Variants in CAMK1D observed in about 807,000 individuals in gnomAD.
The protein encoded by CAMK1D is calcium/calmodulin-dependent protein kinase type 1D.
In CAMK1D, 9 loss-of-function variants were observed where a neutral mutation model predicts 47.7. That is an observed-to-expected ratio of 0.19 (90% CI 0.11 to 0.33). The LOEUF (loss-of-function observed/expected upper bound fraction) is 0.33. Ranked by LOEUF, CAMK1D falls within the 10% of genes least tolerant of loss-of-function variation. The pLI, the probability that CAMK1D is intolerant of heterozygous loss-of-function variation, is 1.00. For synonymous variants in CAMK1D, 184 were observed against 184.9 expected, an observed-to-expected ratio of 0.99 and a Z score of 0.04; for missense variants, 291 against 488.7, an observed-to-expected ratio of 0.60 and a Z score of 3.81.
rs933681759 is a variant in CAMK1D at position 12,472,501 on chromosome 10, G to T, written c.93-80724G>T. On this transcript the variant is annotated intron_variant, in intron 1 of 10. Transcript: ENST00000619168. ...TCCCTAGTCACTGTCTCACTCTTCA[G>T]TTCGGCACTCAATTCATTCAGCTTA... Among the ~76,000 whole-genome samples the T allele has an allele frequency of 2.0e-5, 3 of 150,282 alleles. No individual in the cohort carries two copies. The Admixed American group carries it at 2.0e-4, about 10-fold the overall frequency.
chr10:12,478,512 G>C (rs1398068581), intron 1 of CAMK1D, among the ~76,000 whole-genome samples: 4 of 150,414 alleles, frequency 2.7e-5, no homozygotes, highest in Non-Finnish European at 5.9e-5. Flanking sequence ...TCTTTATGTT[G>C]CCCAGGCTGG....
chr10:12,458,346 T>C (rs1312272546), intron 1 of CAMK1D, among the ~76,000 whole-genome samples: 1 of 152,230 alleles, frequency 6.6e-6, no homozygotes, highest in Non-Finnish European at 1.5e-5. Context: ...GAGTCCATGC[T>C]GAGGCCAGAG....
At position 12,705,923 on chromosome 10, in the gene CAMK1D, C is replaced by T. The variant is rs193286955; in HGVS notation, c.299+39113C>T. On this transcript the variant is annotated intron_variant, in intron 3 of 10. Transcript: ENST00000619168. ...ATGCCAGGCAGTACTTGAACATCTT[C>T]ATGGGATGTATTATAATAACTTAGC... Among the ~76,000 whole-genome samples, 222 of 152,356 alleles carry T rather than the reference C, an allele frequency of 1.5e-3. 1 individual carries two copies. The Middle Eastern group carries it at 0.017, about 12-fold the overall frequency.
chr10:12,696,471 A>G (rs1395634058), intron 3 of CAMK1D, among the ~76,000 whole-genome samples: 1 of 152,186 alleles, frequency 6.6e-6, no homozygotes, highest in Non-Finnish European at 1.5e-5. Context: ...CAGCGGGCCG[A>G]GGTTGCAGTG....
intron 1 of CAMK1D, among the ~76,000 whole-genome samples, chr10:12,395,147 C>T (rs1169266331): frequency 7.0e-6 from 1 of 142,192 alleles, no homozygotes; most frequent in African/African-American, 2.6e-5. Flanking sequence ...TCATAGCTAA[C>T]TGCAGCCTCC....
chr10:12,796,930 C>T (rs955973252), intron 6 of CAMK1D, among the ~76,000 whole-genome samples: 3 of 152,222 alleles, frequency 2.0e-5, no homozygotes, highest in Non-Finnish European at 2.9e-5. Flanking sequence ...CTTACTAAAT[C>T]ATAATGCAGT....
chr10:12,613,647 T>A lies in CAMK1D; in HGVS notation c.225-53089T>A, dbSNP rs139622517. Among the ~76,000 whole-genome samples the A allele has an allele frequency of 5.7e-4, 87 of 152,216 alleles. 1 individual carries two copies. In the East Asian group the frequency reaches 0.016, roughly 28 times the overall value. ...GCGTCTGACACCATGCCTGGCTCAT[T>A]TTTTGTATTTTTAGTAGAGACGGGG... On this transcript the variant is annotated intron_variant, in intron 2 of 10. Transcript: ENST00000619168.
intron 1 of CAMK1D, among the ~76,000 whole-genome samples, chr10:12,368,235 C>T (rs1837905504): frequency 6.6e-6 from 1 of 151,782 alleles, no homozygotes. Context: ...TGTTTATTGT[C>T]CGGGCACAGT....
At chr10:12,658,478 T>A (rs1394902096) in intron 2 of CAMK1D, among the ~76,000 whole-genome samples, 1 of 152,068 alleles carries the variant, frequency 6.6e-6, no homozygotes, top group Non-Finnish European at 1.5e-5. Context: ...CCATGCCTAG[T>A]GCTCCACCCC....
intron 1 of CAMK1D, among the ~76,000 whole-genome samples, chr10:12,395,623 T>C (rs565906014): frequency 6.6e-6 from 1 of 151,906 alleles, no homozygotes; most frequent in Non-Finnish European, 1.5e-5. Flanking sequence ...TGTAGAAGGG[T>C]TGGTTTTTCG....
intron 1 of CAMK1D, among the ~76,000 whole-genome samples, chr10:12,547,682 T>TCTCACACACACACACACACA (rs10643491): frequency 4.3e-5 from 5 of 116,508 alleles, no homozygotes; most frequent in Non-Finnish European, 6.6e-5. Flanking sequence ...TTTCTCTCTC[T>TCTCACACACACACACACACA]CACACACACA....
chr10:12,674,759 C>A (rs1204061181), intron 3 of CAMK1D, among the ~76,000 whole-genome samples: 1 of 151,766 alleles, frequency 6.6e-6, no homozygotes, highest in Non-Finnish European at 1.5e-5. Context: ...CAGGGTCAGG[C>A]GCGGTGGCTC....
At chr10:12,625,336 C>CAA (rs869128579) in intron 2 of CAMK1D, among the ~76,000 whole-genome samples, 446 of 42,324 alleles carry the variant, frequency 0.011, 8 homozygotes, top group South Asian at 0.087. Context: ...ACTCCATGTA[C>CAA]AAAAAAAAAA....
chr10:12,484,806 C>T (rs1373945522), intron 1 of CAMK1D, among the ~76,000 whole-genome samples: 1 of 148,364 alleles, frequency 6.7e-6, no homozygotes, highest in East Asian at 2.0e-4. Context: ...TGCAGCTGCT[C>T]CTGTGGGCAC....
At position 12,781,827 on chromosome 10, in the gene CAMK1D, T is replaced by C. The variant is rs1837510002; in HGVS notation, c.566-9331T>C. On this transcript the variant is annotated intron_variant, in intron 5 of 10. Coordinates refer to ENST00000619168, the MANE Select transcript of CAMK1D (RefSeq NM_153498.4). ...TCACTGCACCTGGTTTTTATATTTT[T>C]AGTAGAGACAGGGTTTTACCATGTT... Among the ~76,000 whole-genome samples the C allele has an allele frequency of 2.0e-5, 3 of 152,066 alleles. No individual in the cohort carries two copies. In the South Asian group the frequency reaches 6.3e-4, roughly 32 times the overall value.
At chr10:12,735,281 C>T (rs1835131665) in intron 3 of CAMK1D, among the ~76,000 whole-genome samples, 1 of 152,050 alleles carries the variant, frequency 6.6e-6, no homozygotes, top group Admixed American at 6.6e-5. Flanking sequence ...TCAAGACCAT[C>T]CTGGGCTATC....
At chr10:12,375,983 C>T (rs529261559) in intron 1 of CAMK1D, among the ~76,000 whole-genome samples, 95 of 151,498 alleles carry the variant, frequency 6.3e-4, no homozygotes, top group African/African-American at 2.2e-3. Context: ...GCCAACATAG[C>T]GAAACCCTGT....
At position 12,627,845 on chromosome 10, in the gene CAMK1D, C is replaced by T. The variant is rs569007064; in HGVS notation, c.225-38891C>T. 3.9e-5 allele frequency among the ~76,000 whole-genome samples: 6 copies of T among 152,072 alleles called. 1 individual carries two copies. The highest frequency in any genetic ancestry group is 3.3e-4 in the Admixed American group (5 of 15,268). On this transcript the variant is annotated intron_variant, in intron 2 of 10. Transcript: ENST00000619168. ...CCTGTAGTCCGAAATTTTGGGAGGC[C>T]GAGGCAGGCAGATCACAAGGTCAGG... is the stretch of plus-strand genomic sequence containing the variant.
chr10:12,481,027 C>T lies in CAMK1D; in HGVS notation c.93-72198C>T, dbSNP rs141228584. On this transcript the variant is annotated intron_variant, in intron 1 of 10. Transcript: ENST00000619168. ...TAGTTTATAGTTTAAATGATAATAG[C>T]CTTTCCCCCAAACTGAGCTGCTTTT... is the stretch of plus-strand genomic sequence containing the variant. 3.2e-4 allele frequency among the ~76,000 whole-genome samples: 49 copies of T among 152,290 alleles called. No individual in the cohort carries two copies. The East Asian group carries it at 5.4e-3, about 17-fold the overall frequency.
Sources: gnomAD v4.1 joint callset for allele counts (sites outside exome capture counted in the v4.1 genomes callset) on GRCh38, gnomAD v4.1.1 for gene constraint, MANE v1.5 for transcripts, NCBI Gene and HGNC (gene_info 2026-07-23, HGNC 2026-07-21) for gene names.